The following TRAK2 variants were observed in gnomAD, a reference collection of about 807,000 sequenced individuals.
The protein encoded by TRAK2 is trafficking kinesin-binding protein 2.
A neutral mutation model predicts 104.6 loss-of-function variants in TRAK2; 81 were observed. That is an observed-to-expected ratio of 0.77 (90% CI 0.65 to 0.93). The LOEUF is 0.93. Among genes scored for constraint, TRAK2 ranks in the 40% least tolerant of loss-of-function variants. The pLI, the probability that TRAK2 is intolerant of heterozygous loss-of-function variation, is 0.00. For synonymous variants in TRAK2, 406 were observed against 394.4 expected (o/e 1.03, Z -0.35); for missense variants, 1,002 against 1,089.0 (o/e 0.92, Z 1.12).
intron 1 of TRAK2, among the ~76,000 whole-genome samples, chr2:201,424,604 GTTTT>G (rs550448300): frequency 6.9e-6 from 1 of 144,404 alleles, no homozygotes; most frequent in African/African-American, 2.5e-5. Flanking sequence ...GTTTGTTTTT[GTTTT>G]TTTTTTGTTT....
chr2:201,435,506 A>G (rs1951874749), intron 1 of TRAK2, among the ~76,000 whole-genome samples: 1 of 152,252 alleles, frequency 6.6e-6, no homozygotes, highest in South Asian at 2.1e-4. Flanking sequence ...ACACTGCAAA[A>G]GCCTTTTCAA....
intron 1 of TRAK2, among the ~76,000 whole-genome samples, chr2:201,430,610 G>A (rs1951833922): frequency 6.6e-6 from 1 of 152,206 alleles, no homozygotes; most frequent in Non-Finnish European, 1.5e-5. Flanking sequence ...GGCTCCGTGG[G>A]CATGGGACCC....
At position 201,380,607 on chromosome 2, in the gene TRAK2, A is replaced by T. The variant is rs1225294973; in HGVS notation, c.2681T>A (p.Met894Lys). ...LRRNQSLPVIMGSFAAPVCTS... is the reference protein window; with the variant it reads ...LRRNQSLPVIKGSFAAPVCTS... ...GCAAACTGGGGCAGCAAAGCTACCCATTATGACTGGAAGACTCTGATTCCT... is the reference window on the plus strand; with the variant it reads ...GCAAACTGGGGCAGCAAAGCTACCCTTTATGACTGGAAGACTCTGATTCCT... The change falls in exon 16 of 16, where the codon ATG becomes AAG. Residue 894 changes from methionine (M) to lysine (K), a missense_variant. Coordinates refer to ENST00000332624, the MANE Select transcript of TRAK2 (RefSeq NM_015049.3). 6.2e-7 allele frequency: 1 copy of T among 1,614,006 alleles called. No homozygotes were observed. The highest frequency in any genetic ancestry group is 8.5e-7 in the Non-Finnish European group (1 of 1,179,964).
At chr2:201,439,319 G>C (rs1057302966) in intron 1 of TRAK2, among the ~76,000 whole-genome samples, 1 of 152,164 alleles carries the variant, frequency 6.6e-6, no homozygotes, top group Non-Finnish European at 1.5e-5. Context: ...CGGTTACTCT[G>C]AAGGTGCAAA....
chr2:201,430,209 C>G (rs1459852655), intron 1 of TRAK2, among the ~76,000 whole-genome samples: 2 of 152,172 alleles, frequency 1.3e-5, no homozygotes, highest in Non-Finnish European at 2.9e-5. Flanking sequence ...CAGAGGGGTA[C>G]CCGGCTGTAT....
intron 3 of TRAK2, among the ~76,000 whole-genome samples, chr2:201,404,642 A>G (rs6724484): frequency 0.066 from 9,980 of 152,304 alleles, 408 homozygotes; most frequent in African/African-American, 0.11. Context: ...TGTCATTTAC[A>G]TGAGATGGTG....
rs1311825268 is a variant in TRAK2 at position 201,379,892 on chromosome 2, G to C, written c.*651C>G. 1 of 150,994 alleles carries C rather than the reference G, an allele frequency of 6.6e-6. No homozygotes were observed. Among genetic ancestry groups the C allele is most frequent in the Admixed American group, 6.6e-5 (1 of 15,142 alleles). 9.4% of individuals were successfully genotyped at this position (150,994 alleles called of 1,614,324 possible). A position where few individuals can be genotyped will look rare whatever the true frequency, so the allele number is the denominator to read the frequency against. On this transcript the variant is annotated 3_prime_UTR_variant, in exon 16 of 16. Transcript: ENST00000332624. ...TTAATCATAAATACAAAATAATTGA[G>C]TGGTATTTGGGCTCCCAGGGGCTCA...
chr2:201,408,191 T>C (rs76264415), intron 2 of TRAK2, among the ~76,000 whole-genome samples: 6,174 of 152,306 alleles, frequency 0.041, 172 homozygotes, highest in Middle Eastern at 0.068. Context: ...TACTCTCTAC[T>C]TCTAGCAGAT....
chr2:201,388,916 G>A (rs1043827743), intron 12 of TRAK2, among the ~76,000 whole-genome samples: 9 of 151,680 alleles, frequency 5.9e-5, no homozygotes, highest in African/African-American at 2.2e-4. Flanking sequence ...TAGTTATATA[G>A]AATTCAATGT....
intron 1 of TRAK2, among the ~76,000 whole-genome samples, chr2:201,441,992 G>A (rs1485866768): frequency 1.3e-5 from 2 of 151,412 alleles, no homozygotes; most frequent in Non-Finnish European, 2.9e-5. Flanking sequence ...GTGCCCGGCC[G>A]ATGGTGTGCT....
chr2:201,404,849 A>G (rs1476829070), intron 3 of TRAK2, among the ~76,000 whole-genome samples: 1 of 152,230 alleles, frequency 6.6e-6, no homozygotes, highest in African/African-American at 2.4e-5. Flanking sequence ...CCTGACACCT[A>G]CAGGCAGGTC....
intron 1 of TRAK2, among the ~76,000 whole-genome samples, chr2:201,437,809 C>T (rs1187899707): frequency 6.6e-6 from 1 of 152,190 alleles, no homozygotes; most frequent in Non-Finnish European, 1.5e-5. Context: ...ACCCTCCCTA[C>T]TCTCAGCATA....
chr2:201,385,253 T>C (rs1951378154), intron 14 of TRAK2, among the ~76,000 whole-genome samples: 1 of 152,218 alleles, frequency 6.6e-6, no homozygotes, highest in Non-Finnish European at 1.5e-5. Flanking sequence ...AATCAACATT[T>C]TCTAAATGAC....
chr2:201,378,056 G>C lies in TRAK2; in HGVS notation c.*2487C>G, dbSNP rs1951304491. 1 of 152,088 alleles carries C rather than the reference G, an allele frequency of 6.6e-6. No homozygotes were observed. The highest frequency in any genetic ancestry group is 1.5e-5 in the Non-Finnish European group (1 of 68,006). The allele number at this position is 152,088 out of a possible 1,614,324, so 9.4% of individuals were successfully genotyped here. On this transcript the variant is annotated 3_prime_UTR_variant, in exon 16 of 16. Coordinates refer to ENST00000332624, the MANE Select transcript of TRAK2 (RefSeq NM_015049.3). ...TTGCAGACAATTCTAGTATTATAGA[G>C]ATTATCAGGATATACCAAAAATGAT... is the stretch of plus-strand genomic sequence containing the variant.
At chr2:201,427,764 T>C (rs922262360) in intron 1 of TRAK2, among the ~76,000 whole-genome samples, 1 of 152,242 alleles carries the variant, frequency 6.6e-6, no homozygotes, top group East Asian at 1.9e-4. Flanking sequence ...TCCACAATGG[T>C]TGAACTAGTT....
chr2:201,448,789 G>T (rs1379995170), intron 1 of TRAK2, among the ~76,000 whole-genome samples: 1 of 152,094 alleles, frequency 6.6e-6, no homozygotes, highest in Non-Finnish European at 1.5e-5. Flanking sequence ...ACTCAAGCTG[G>T]AGTGCAGTGG....
chr2:201,381,039 A>C lies in TRAK2; in HGVS notation c.2249T>G (p.Ile750Ser), dbSNP rs767170820. The change falls in exon 16 of 16, where the codon ATC becomes AGC. Residue 750 changes from isoleucine to serine, a missense_variant. Coordinates refer to ENST00000332624, the MANE Select transcript of TRAK2 (RefSeq NM_015049.3). ...SLAKLLQERG[I>S]SAKVYHSPIS... is the part of the protein sequence containing the mutation. ...TGGGCTGTGGTACACTTTGGCAGAG[A>C]TGCCTCGCTCTTGTAGAAGTTTGGC... 1 of 1,614,102 alleles carries C rather than the reference A, an allele frequency of 6.2e-7. No individual in the cohort carries two copies. Among genetic ancestry groups the C allele is most frequent in the Non-Finnish European group, 8.5e-7 (1 of 1,180,000 alleles).
rs1308560682 is a variant in TRAK2 at position 201,394,890 on chromosome 2, A to C, written c.901-18T>G. The C allele has an allele frequency of 3.8e-6, 6 of 1,597,834 alleles. No homozygotes were observed. The East Asian group carries it at 1.3e-4, about 36-fold the overall frequency. ...ATCACATGCTAACAACATATTAAAA[A>C]AGACATGTGAAGCCTTTCCAAGTAA... On this transcript the variant is annotated intron_variant, in intron 8 of 15. Coordinates refer to ENST00000332624, the MANE Select transcript of TRAK2 (RefSeq NM_015049.3).
chr2:201,385,689 C>A (rs1951382367), intron 14 of TRAK2, among the ~76,000 whole-genome samples: 1 of 152,132 alleles, frequency 6.6e-6, no homozygotes, highest in South Asian at 2.1e-4. Context: ...TCAACTGAAA[C>A]AACATATTGC....
Sources: allele counts gnomAD v4.1 joint callset (sites outside exome capture counted in the v4.1 genomes callset), GRCh38; gene constraint gnomAD v4.1.1; transcripts MANE v1.5; gene names NCBI Gene and HGNC (gene_info 2026-07-23, HGNC 2026-07-21).